The following DCAF1 variants were observed in gnomAD, a reference collection of about 807,000 sequenced individuals.
DCAF1 encodes the protein DDB1 and CUL4 associated factor 1.
DCAF1 carries 15 observed loss-of-function variants against 128.0 expected under a neutral mutation model. That is an observed-to-expected ratio of 0.12 (90% confidence interval 0.08 to 0.18). The LOEUF (loss-of-function observed/expected upper bound fraction) is 0.18, where lower values mean the gene tolerates loss of function less well. Among genes scored for constraint, DCAF1 ranks in the 10% least tolerant of loss-of-function variants. The pLI, the probability that DCAF1 is intolerant of heterozygous loss-of-function variation, is 1.00. For missense variants in DCAF1, 988 were observed against 1,649.5 expected, an observed-to-expected ratio of 0.60 and a Z score of 6.95; for synonymous variants, 610 against 603.0, an observed-to-expected ratio of 1.01 and a Z score of -0.17.
At chr3:51,419,016 T>C (rs1699152738) in intron 15 of DCAF1, 140 bp from the exon 16 acceptor site, 3 of 1,352,504 alleles carry the variant, frequency 2.2e-6, no homozygotes. Context: ...TTCAGTGCTT[T>C]TTATTTTAAA....
chr3:51,440,884 C>G, intron 9 of DCAF1, 86 bp downstream of exon 9: 1 of 1,148,788 alleles, frequency 8.7e-7, no homozygotes, highest in South Asian at 1.5e-5. Context: ...CCAGCCTGGG[C>G]GACAGAGTGA....
intron 6 of DCAF1, among the ~76,000 whole-genome samples, chr3:51,453,562 G>A (rs1374947870): frequency 1.3e-5 from 2 of 152,014 alleles, no homozygotes; most frequent in African/African-American, 4.8e-5. Context: ...AGACAAGGAG[G>A]TCAAGGCTGC....
downstream of DCAF1, chr3:51,396,197 G>A (rs150568658): frequency 8.2e-5 from 29 of 355,398 alleles, no homozygotes; most frequent in African/African-American, 5.2e-4. Flanking sequence ...CCAGCTTTGT[G>A]AGACAGAACC....
At chr3:51,444,396 G>C (rs1459198617) in intron 6 of DCAF1, among the ~76,000 whole-genome samples, 2 of 151,438 alleles carry the variant, frequency 1.3e-5, no homozygotes, top group African/African-American at 2.4e-5. Flanking sequence ...TGTCGCCCAG[G>C]CTGGAGTACA....
chr3:51,428,070 T>C (rs1553634588), intron 12 of DCAF1, among the ~76,000 whole-genome samples: 2 of 152,202 alleles, frequency 1.3e-5, no homozygotes, highest in Non-Finnish European at 2.9e-5. Context: ...TCTTTTATCT[T>C]ATTTATAACT....
intron 3 of DCAF1, among the ~76,000 whole-genome samples, chr3:51,473,105 C>T (rs1393313699): frequency 6.6e-6 from 1 of 150,828 alleles, no homozygotes; most frequent in African/African-American, 2.4e-5. Flanking sequence ...GGAGAAACCC[C>T]ATCTCTACTA....
chr3:51,480,206 A>G (rs1706003264), intron 3 of DCAF1, among the ~76,000 whole-genome samples: 1 of 151,956 alleles, frequency 6.6e-6, no homozygotes, highest in African/African-American at 2.4e-5. Context: ...TTCTTGAACT[A>G]CTTCTTCTAA....
chr3:51,482,011 A>G (rs574683960), intron 3 of DCAF1, among the ~76,000 whole-genome samples: 132 of 152,268 alleles, frequency 8.7e-4, no homozygotes, highest in Middle Eastern at 3.4e-3. Flanking sequence ...AAAAACAAAA[A>G]AAGTTTTTCA....
chr3:51,445,989 C>CTTT (rs782164524), intron 6 of DCAF1, among the ~76,000 whole-genome samples: 8 of 117,614 alleles, frequency 6.8e-5, no homozygotes, highest in African/African-American at 9.3e-5. Context: ...AACCTAAGTT[C>CTTT]TTTTTTTTTT....
In DCAF1 at chr3:51,441,693, A is replaced by G; in HGVS notation, c.718T>C (p.Ser240Pro). The G allele has an allele frequency of 6.2e-7, 1 of 1,613,980 alleles. No homozygotes were observed. Among genetic ancestry groups the G allele is most frequent in the Non-Finnish European group, 8.5e-7 (1 of 1,179,882 alleles). ...TTGTGGCCTGAATCAAGATGAAAGG[A>G]GATCTCCATGTCTCCAGAAGCTTCC... ...QEEASGDMEI[S>P]FHLDSGHKTS... Residue 240 changes from serine to proline, a missense_variant, in exon 8 of 25, where the codon TCC (serine) becomes CCC (proline). Around this residue, in one of 11 missense-constraint regions of DCAF1, gnomAD observed 210 missense variants for 260.2 expected, o/e 0.81. Transcript: ENST00000684031.
chr3:51,505,407 A>G, the DCAF1 span, among the ~76,000 whole-genome samples: 21 of 152,334 alleles, frequency 1.4e-4, no homozygotes, highest in African/African-American at 4.3e-4. Flanking sequence ...TACTTCTACC[A>G]TGGGCGTATC....
intron 6 of DCAF1, among the ~76,000 whole-genome samples, chr3:51,450,886 GAAGT>G (rs1451697882): frequency 2.0e-5 from 3 of 151,892 alleles, no homozygotes; most frequent in African/African-American, 4.8e-5. Flanking sequence ...TAGAGAGTAA[GAAGT>G]AAGATTACCT....
chr3:51,419,881 G>C lies in DCAF1; in HGVS notation c.3089C>G (p.Ser1030Cys), dbSNP rs1553631761. ...AGGACATTGGTGAGGAGTAAAGAGGGAGAAAGGTGGGCAGGTGGCAACTGG... is the reference window on the plus strand; with the variant it reads ...AGGACATTGGTGAGGAGTAAAGAGGCAGAAAGGTGGGCAGGTGGCAACTGG... ...KNPVATCPPF[S>C]LFTPHQCPEP... The change falls in exon 15 of 25, where the codon TCC becomes TGC. Residue 1030 changes from serine (S) to cysteine (C), a missense_variant. Transcript: ENST00000684031. 1.2e-6 allele frequency: 2 copies of C among 1,614,072 alleles called. No homozygotes were observed. The highest frequency in any genetic ancestry group is 2.2e-5 in the East Asian group (1 of 44,884).
At chr3:51,460,533 C>T (rs1279055705) in intron 6 of DCAF1, among the ~76,000 whole-genome samples, 8 of 152,102 alleles carry the variant, frequency 5.3e-5, no homozygotes, top group Non-Finnish European at 1.0e-4. Context: ...CTACCAATGA[C>T]TTTCTTCACA....
chr3:51,457,409 T>G (rs1230500517), intron 6 of DCAF1, among the ~76,000 whole-genome samples: 1 of 152,130 alleles, frequency 6.6e-6, no homozygotes, highest in Admixed American at 6.6e-5. Flanking sequence ...AATATGGGAC[T>G]ATGTGAAAAC....
At chr3:51,484,955 G>A (rs1343719482) in intron 2 of DCAF1, among the ~76,000 whole-genome samples, 6 of 136,130 alleles carry the variant, frequency 4.4e-5, no homozygotes, top group African/African-American at 1.7e-4. Flanking sequence ...CACTCTTACT[G>A]CCCAGGCTGG....
At chr3:51,497,279 AG>A (rs1553661443) in intron 1 of DCAF1, among the ~76,000 whole-genome samples, 2 of 151,960 alleles carry the variant, frequency 1.3e-5, no homozygotes, top group Non-Finnish European at 1.5e-5. Flanking sequence ...TAGGTGACAC[AG>A]GAAGACTGTC....
At chr3:51,491,228 A>G (rs535110412) in intron 2 of DCAF1, among the ~76,000 whole-genome samples, 83 of 151,756 alleles carry the variant, frequency 5.5e-4, no homozygotes, top group Non-Finnish European at 1.0e-3. Flanking sequence ...CGCACCTGTA[A>G]TCCCAGCTAC....
chr3:51,423,394 C>A (rs978608012), intron 13 of DCAF1, among the ~76,000 whole-genome samples: 18 of 151,276 alleles, frequency 1.2e-4, no homozygotes, highest in African/African-American at 4.4e-4. Flanking sequence ...CCCAGCTACT[C>A]GGGAGGTTGA....
Sources: gnomAD v4.1 joint callset for allele counts (sites outside exome capture counted in the v4.1 genomes callset) on GRCh38, gnomAD v4.1.1 for gene constraint, gnomAD v4.1.1 regional missense constraint, MANE v1.5 for transcripts, NCBI Gene and HGNC (gene_info 2026-07-23, HGNC 2026-07-21) for gene names.